Variants in FHDC1 observed in about 807,000 individuals in gnomAD.
FHDC1 encodes FH2 domain containing 1.
Under a neutral mutation model 52.6 loss-of-function variants are expected in FHDC1, and 25 were observed. The observed-to-expected ratio is 0.48, with a 90% CI of 0.35 to 0.66. The LOEUF is 0.66. Ranked by LOEUF, FHDC1 falls within the 30% of genes least tolerant of loss-of-function variation. The pLI, the probability that FHDC1 is intolerant of heterozygous loss-of-function variation, is 0.01. For synonymous variants in FHDC1, 616 were observed against 581.5 expected, an observed-to-expected ratio of 1.06 and a Z score of -0.85; for missense variants, 1,459 against 1,452.8, an observed-to-expected ratio of 1.00 and a Z score of -0.07.
At chr4:152,913,232 C>CA in the FHDC1 span, among the ~76,000 whole-genome samples, 6,497 of 152,320 alleles carry the variant, frequency 0.043, 173 homozygotes, top group South Asian at 0.11. Flanking sequence ...AAAAATCCAT[C>CA]TCCCCGCAAA....
chr4:152,951,595 G>A (rs535689114), intron 2 of FHDC1, among the ~76,000 whole-genome samples: 18 of 151,920 alleles, frequency 1.2e-4, no homozygotes, highest in African/African-American at 3.4e-4. Context: ...TGACATTAAC[G>A]TTGGTTAACA....
At chr4:152,953,628 G>T in intron 3 of FHDC1, 68 bp downstream of exon 3, 1 of 1,338,046 alleles carries the variant, frequency 7.5e-7, no homozygotes, top group South Asian at 1.2e-5. Context: ...CTGTGGGTGT[G>T]ACTGAGCTGG....
At chr4:152,970,105 G>A (rs769190590) in intron 10 of FHDC1, among the ~76,000 whole-genome samples, 14 of 152,230 alleles carry the variant, frequency 9.2e-5, no homozygotes, top group Non-Finnish European at 1.8e-4. Flanking sequence ...ACACCAGTCT[G>A]AATGCTGGAC....
At position 152,975,431 on chromosome 4, in the gene FHDC1, CCG is replaced by C; in HGVS notation, c.2142_2143del (p.Gln715ValfsTer33). The part of the protein sequence containing the change: ...MELESVGHRG[P>X]QSLSASSSSL... ...GCTAGAGTCTGTGGGGCATAGGGGC[CCG>C]CAGTCCCTCAGTGCCAGCAGCAGCA... On this transcript the variant is annotated frameshift_variant, in exon 12 of 12. Transcript: ENST00000511601. LOFTEE classifies it low-confidence loss of function (END_TRUNC). The C allele has an allele frequency of 6.2e-7, 1 of 1,613,478 alleles. No individual in the cohort carries two copies. The highest frequency in any genetic ancestry group is 2.2e-5 in the East Asian group (1 of 44,874).
At chr4:152,946,551 C>T (rs1739739934) in intron 2 of FHDC1, among the ~76,000 whole-genome samples, 1 of 152,200 alleles carries the variant, frequency 6.6e-6, no homozygotes, top group Non-Finnish European at 1.5e-5. Context: ...AGTAATAAAT[C>T]TTCCAACTCA....
intron 9 of FHDC1, among the ~76,000 whole-genome samples, chr4:152,965,507 A>G (rs1375423044): frequency 6.6e-6 from 1 of 152,210 alleles, no homozygotes; most frequent in African/African-American, 2.4e-5. Context: ...ACATCACTCT[A>G]ATTTGCTTCT....
At chr4:152,914,806 G>A in the FHDC1 span, among the ~76,000 whole-genome samples, 1 of 152,208 alleles carries the variant, frequency 6.6e-6, no homozygotes, top group East Asian at 1.9e-4. Context: ...AGGGCACATA[G>A]GAAGAAGAAC....
chr4:152,960,938 CTG>C, intron 6 of FHDC1, 94 bp downstream of exon 6: 1 of 819,792 alleles, frequency 1.2e-6, no homozygotes, highest in Non-Finnish European at 1.9e-6. Flanking sequence ...ATGGAAAGTC[CTG>C]AATTTCTGAT....
intron 9 of FHDC1, among the ~76,000 whole-genome samples, chr4:152,965,872 A>T (rs1006394832): frequency 3.9e-5 from 6 of 152,246 alleles, no homozygotes; most frequent in African/African-American, 1.4e-4. Flanking sequence ...AACCATATGC[A>T]TATAAATAAA....
At chr4:152,967,687 G>A (rs1439045531) in intron 9 of FHDC1, among the ~76,000 whole-genome samples, 1 of 152,212 alleles carries the variant, frequency 6.6e-6, no homozygotes, top group East Asian at 1.9e-4. Flanking sequence ...TTGCATAAAG[G>A]TGTTCAGAGC....
chr4:152,938,442 G>C (rs1368929116), intron 1 of FHDC1, among the ~76,000 whole-genome samples: 1 of 152,142 alleles, frequency 6.6e-6, no homozygotes, highest in South Asian at 2.1e-4. Context: ...TAATTGTACC[G>C]ACTGACATTC....
chr4:152,912,457 T>TA, the FHDC1 span: 1 of 152,186 alleles, frequency 6.6e-6, no homozygotes, highest in Non-Finnish European at 1.5e-5. Flanking sequence ...TTTACTTACT[T>TA]ACTCCCTTAG....
At chr4:152,917,968 T>G in the FHDC1 span, among the ~76,000 whole-genome samples, 3 of 152,240 alleles carry the variant, frequency 2.0e-5, no homozygotes, top group African/African-American at 7.2e-5. Context: ...CCATGTCTAA[T>G]GACAAAATTT....
intron 9 of FHDC1, 48 bp from the exon 10 acceptor site, chr4:152,967,932 A>T (rs1740513054): frequency 1.6e-5 from 22 of 1,405,506 alleles, no homozygotes; most frequent in Non-Finnish European, 2.1e-5. Context: ...CCTACATGAC[A>T]CATGGCTTCC....
intron 1 of FHDC1, 24 bp from the exon 2 acceptor site, chr4:152,942,904 T>G: frequency 1.3e-6 from 1 of 760,996 alleles, no homozygotes; most frequent in South Asian, 2.0e-5. Flanking sequence ...TGTAACTGAT[T>G]TGATATTTAT....
chr4:152,963,138 G>A lies in FHDC1; in HGVS notation c.1029+8G>A. ...CTGCACTTTGTTGCACAGGTATGTG[G>A]AAATGATTAGGACTTAGAGAACGCA... On this transcript the variant is annotated splice_region_variant and intron_variant, in intron 8 of 11. Transcript: ENST00000511601. The A allele has an allele frequency of 6.2e-7, 1 of 1,611,800 alleles. No individual in the cohort carries two copies. The highest frequency in any genetic ancestry group is 2.2e-5 in the East Asian group (1 of 44,858).
chr4:152,926,497 A>AT, the FHDC1 span, among the ~76,000 whole-genome samples: 1 of 151,226 alleles, frequency 6.6e-6, no homozygotes, highest in African/African-American at 2.4e-5. Context: ...GGCTGATGTG[A>AT]TGAAAAAAAA....
upstream of FHDC1, among the ~76,000 whole-genome samples, chr4:152,935,348 C>A (rs182737696): frequency 8.5e-4 from 129 of 152,256 alleles, no homozygotes; most frequent in African/African-American, 3.1e-3. Context: ...ATGACTTCAT[C>A]CCCGTAGAGG....
At chr4:152,962,415 C>A (rs757105318) in intron 6 of FHDC1, among the ~76,000 whole-genome samples, 1 of 152,120 alleles carries the variant, frequency 6.6e-6, no homozygotes, top group African/African-American at 2.4e-5. Flanking sequence ...TCCATAAATG[C>A]GGTCTCTTTG....
Sources: gnomAD v4.1 joint callset for allele counts (sites outside exome capture counted in the v4.1 genomes callset) on GRCh38, gnomAD v4.1.1 for gene constraint, MANE v1.5 for transcripts, NCBI Gene and HGNC (gene_info 2026-07-23, HGNC 2026-07-21) for gene names.